The following PTPN11 variants were observed in gnomAD, a reference collection of about 807,000 sequenced individuals.
PTPN11 encodes tyrosine-protein phosphatase non-receptor type 11.
PTPN11 carries 6 observed loss-of-function variants against 78.8 expected under a neutral mutation model. That is an observed-to-expected ratio of 0.08 (90% CI 0.04 to 0.15). The LOEUF is 0.15. PTPN11 is among the 10% of genes least tolerant of loss of function. The probability of loss-of-function intolerance (pLI) is 1.00; values close to 1 mark genes in which losing one functional copy is unlikely to be tolerated. For missense variants in PTPN11, 386 were observed against 744.8 expected (o/e 0.52, Z 5.61); for synonymous variants, 221 against 263.5 (o/e 0.84, Z 1.56).
chr12:112,435,248 G>T (rs2037771902), intron 1 of PTPN11, among the ~76,000 whole-genome samples: 1 of 152,078 alleles, frequency 6.6e-6, no homozygotes, highest in Non-Finnish European at 1.5e-5. Context: ...TTGAACTCCT[G>T]GTCTCAAGCA....
intron 1 of PTPN11, among the ~76,000 whole-genome samples, chr12:112,444,127 A>G (rs1439452853): frequency 6.6e-6 from 1 of 152,116 alleles, no homozygotes; most frequent in Non-Finnish European, 1.5e-5. Flanking sequence ...GCGGCATTCA[A>G]ACTATAGCAT....
At chr12:112,420,575 C>G (rs1189627483) in intron 1 of PTPN11, among the ~76,000 whole-genome samples, 1 of 152,126 alleles carries the variant, frequency 6.6e-6, no homozygotes, top group African/African-American at 2.4e-5. Context: ...AACTCCTGAC[C>G]TCGTGATCCG....
At chr12:112,472,486 T>C (rs933337629) in intron 6 of PTPN11, among the ~76,000 whole-genome samples, 4 of 152,204 alleles carry the variant, frequency 2.6e-5, no homozygotes, top group Non-Finnish European at 4.4e-5. Flanking sequence ...TGGACATTTA[T>C]ATTATTTTCA....
At chr12:112,503,527 C>G (rs1411311061) in intron 14 of PTPN11, among the ~76,000 whole-genome samples, 1 of 152,180 alleles carries the variant, frequency 6.6e-6, no homozygotes, top group African/African-American at 2.4e-5. Flanking sequence ...GAGGTATTTT[C>G]TCGTCCAAGT....
At chr12:112,489,833 C>A (rs1044983243) in intron 13 of PTPN11, among the ~76,000 whole-genome samples, 1 of 152,110 alleles carries the variant, frequency 6.6e-6, no homozygotes, top group Non-Finnish European at 1.5e-5. Flanking sequence ...ACATCAGTGG[C>A]GAGTGCCTGC....
chr12:112,470,009 C>G (rs116887293), intron 6 of PTPN11, among the ~76,000 whole-genome samples: 113 of 152,114 alleles, frequency 7.4e-4, no homozygotes, highest in Middle Eastern at 3.4e-3. Context: ...GCAGCCTTGA[C>G]CTTCTGGGCT....
intron 1 of PTPN11, among the ~76,000 whole-genome samples, chr12:112,427,539 C>T (rs1372766196): frequency 6.7e-6 from 1 of 150,032 alleles, no homozygotes; most frequent in East Asian, 1.9e-4. Context: ...GAGCGAGACT[C>T]TGTCTCAAAA....
chr12:112,503,453 G>A (rs1015952505), intron 14 of PTPN11, among the ~76,000 whole-genome samples: 16 of 152,092 alleles, frequency 1.1e-4, no homozygotes, highest in African/African-American at 3.9e-4. Flanking sequence ...TGTTTTAGGT[G>A]GCATATATGA....
chr12:112,454,025 GT>G (rs2038117231), intron 4 of PTPN11, among the ~76,000 whole-genome samples: 1 of 151,894 alleles, frequency 6.6e-6, no homozygotes, highest in African/African-American at 2.4e-5. Context: ...TATAGTTACT[GT>G]ATTAGTATAT....
chr12:112,419,532 A>G (rs2037486550), intron 1 of PTPN11, among the ~76,000 whole-genome samples: 1 of 152,008 alleles, frequency 6.6e-6, no homozygotes, highest in Non-Finnish European at 1.5e-5. Context: ...ACGAGAGGGG[A>G]GTTGCGCGGG....
chr12:112,483,282 A>G (rs1382978054), intron 10 of PTPN11, among the ~76,000 whole-genome samples: 1 of 151,766 alleles, frequency 6.6e-6, no homozygotes, highest in Non-Finnish European at 1.5e-5. Context: ...CAACCTCCTA[A>G]GCTCAAGTGA....
At chr12:112,471,514 A>G (rs1566177756) in intron 6 of PTPN11, among the ~76,000 whole-genome samples, 3 of 151,746 alleles carry the variant, frequency 2.0e-5, no homozygotes, top group African/African-American at 4.8e-5. Flanking sequence ...TAAAACAAAA[A>G]AAGAAGAAGA....
At chr12:112,464,323 C>T (rs1387381068) in intron 6 of PTPN11, among the ~76,000 whole-genome samples, 1 of 152,144 alleles carries the variant, frequency 6.6e-6, no homozygotes, top group Non-Finnish European at 1.5e-5. Flanking sequence ...GAAATAAATT[C>T]AGGTTGATGA....
Position 112,419,042 on chromosome 12 carries a change from C to A in PTPN11, c.-70C>A, listed in dbSNP as rs2037472067. On this transcript the variant is annotated 5_prime_UTR_variant, in exon 1 of 16. Transcript: ENST00000351677. Reference sequence around the variant, plus strand: ...CGAGCGGGCCTCCCTCGGGCCAGCCCGATGTGACCGAGCCCAGCGGAGCCT... The same window carrying A: ...CGAGCGGGCCTCCCTCGGGCCAGCCAGATGTGACCGAGCCCAGCGGAGCCT... 1.3e-6 allele frequency: 2 copies of A among 1,531,388 alleles called. No homozygotes were observed. Among genetic ancestry groups the A allele is most frequent in the Admixed American group, 2.0e-5 (1 of 50,536 alleles). The allele number at this position is 1,531,388 out of a possible 1,614,324, so 94.9% of individuals were successfully genotyped here.
In PTPN11 at chr12:112,502,077, C is replaced by G. The variant is rs1005621080; in HGVS notation, c.1600-67C>G. On this transcript the variant is annotated intron_variant, in intron 13 of 15. Coordinates refer to ENST00000351677, the MANE Select transcript of PTPN11 (RefSeq NM_002834.5). ...CTTTTTTCTTTTTTTGGGCAAAATA[C>G]CTTTTTTGCTTTTTATCCCCTTAAA... 10 of 1,292,700 alleles carry G rather than the reference C, an allele frequency of 7.7e-6. No homozygotes were observed. The African/African-American group carries it at 1.0e-4, about 13-fold the overall frequency. 80.1% of individuals were successfully genotyped at this position (1,292,700 alleles called of 1,614,324 possible).
At chr12:112,477,532 G>T (rs2038523069) in intron 7 of PTPN11, 119 bp from the exon 8 acceptor site, 2 of 779,024 alleles carry the variant, frequency 2.6e-6, no homozygotes, top group Non-Finnish European at 4.3e-6. Flanking sequence ...ATTTTTATGT[G>T]TTTTTTTTTC....
intron 10 of PTPN11, 97 bp from the exon 11 acceptor site, chr12:112,486,378 T>C: frequency 7.9e-7 from 1 of 1,261,972 alleles, no homozygotes; most frequent in Non-Finnish European, 1.1e-6. Context: ...GGAGATTCTC[T>C]TCCTCTCCAT....
intron 1 of PTPN11, among the ~76,000 whole-genome samples, chr12:112,431,498 C>T (rs2037712093): frequency 6.6e-6 from 1 of 152,146 alleles, no homozygotes; most frequent in Non-Finnish European, 1.5e-5. Flanking sequence ...TGCTATATTG[C>T]CATGTTGAGT....
intron 6 of PTPN11, among the ~76,000 whole-genome samples, chr12:112,460,881 A>T (rs556222228): frequency 1.3e-5 from 2 of 152,226 alleles, no homozygotes; most frequent in South Asian, 4.1e-4. Flanking sequence ...CTCTTAGAAT[A>T]CTTTGATGCC....
Sources: gnomAD v4.1 joint callset for allele counts (sites outside exome capture counted in the v4.1 genomes callset) on GRCh38, gnomAD v4.1.1 for gene constraint, MANE v1.5 for transcripts, NCBI Gene and HGNC (gene_info 2026-07-23, HGNC 2026-07-21) for gene names.